HDX: variants seen among roughly 807,000 people sequenced by gnomAD.
The protein encoded by HDX is chromosome X open reading frame 43.
HDX carries 19 observed loss-of-function variants against 45.2 expected under a neutral mutation model. That is an observed-to-expected ratio of 0.42 (90% CI 0.29 to 0.62). The LOEUF is 0.62. Ranked by LOEUF, HDX falls within the 20% of genes least tolerant of loss-of-function variation. The pLI, the probability that HDX is intolerant of heterozygous loss-of-function variation, is 0.20. For synonymous variants in HDX, 188 were observed against 172.8 expected, an observed-to-expected ratio of 1.09 and a Z score of -0.69; for missense variants, 532 against 493.9, an observed-to-expected ratio of 1.08 and a Z score of -0.73.
chrX:84,405,174 A>C (rs2038790331), intron 5 of HDX, among the ~76,000 whole-genome samples: 1 of 110,638 alleles, frequency 9.0e-6, no homozygotes, highest in African/African-American at 3.3e-5. Flanking sequence ...ATCATCATCT[A>C]TCTATCCTTC....
At chrX:84,501,791 C>A (rs5968342) in intron 1 of HDX, among the ~76,000 whole-genome samples, 8,325 of 111,120 alleles carry the variant, frequency 0.075, 768 homozygotes, top group African/African-American at 0.26. Flanking sequence ...TCTCTACTTT[C>A]CAAATTCAGC....
intron 2 of HDX, among the ~76,000 whole-genome samples, chrX:84,486,831 T>C (rs1429319046): frequency 1.8e-5 from 2 of 111,450 alleles, no homozygotes; most frequent in Non-Finnish European, 3.8e-5. Context: ...TCTTTGATTT[T>C]ATATTATTTC....
At chrX:84,382,918 G>T (rs1296688815) in intron 5 of HDX, among the ~76,000 whole-genome samples, 1 of 111,061 alleles carries the variant, frequency 9.0e-6, no homozygotes, top group Admixed American at 9.6e-5. Flanking sequence ...TCCATGATGT[G>T]CTTATTTCAC....
At chrX:84,415,782 G>A (rs751464431) in intron 5 of HDX, among the ~76,000 whole-genome samples, 34 of 111,854 alleles carry the variant, frequency 3.0e-4, no homozygotes, top group Non-Finnish European at 5.3e-4. Flanking sequence ...AGTAATTTCC[G>A]CATTTTCTTG....
At chrX:84,333,687 A>C in intron 9 of HDX, 72 bp downstream of exon 9, 1 of 458,976 alleles carries the variant, frequency 2.2e-6, no homozygotes, top group Non-Finnish European at 3.9e-6. Flanking sequence ...AAATAGGAGT[A>C]ATATAGGTAT....
chrX:84,457,290 C>T (rs2040133184), intron 4 of HDX, among the ~76,000 whole-genome samples: 1 of 111,412 alleles, frequency 9.0e-6, no homozygotes, highest in Non-Finnish European at 1.9e-5. Flanking sequence ...TAAAAAATCA[C>T]AATGTGGTTT....
chrX:84,476,544 CA>C (rs376973856), intron 2 of HDX, among the ~76,000 whole-genome samples: 847 of 38,021 alleles, frequency 0.022, 1 homozygote, highest in East Asian at 0.037. Flanking sequence ...AACTCTGTCT[CA>C]AAAAAAAAAA....
chrX:84,343,021 C>T (rs2037121150), intron 7 of HDX, among the ~76,000 whole-genome samples: 1 of 110,715 alleles, frequency 9.0e-6, no homozygotes, highest in Admixed American at 9.6e-5. Flanking sequence ...ATACAAAAAG[C>T]CTATATATTG....
At chrX:84,501,473 T>A (rs1168323790) in intron 1 of HDX, 1 of 112,209 alleles carries the variant, frequency 8.9e-6, no homozygotes, top group East Asian at 2.8e-4. Flanking sequence ...TTCCAAAGAA[T>A]TTAAGGTTCA....
intron 9 of HDX, among the ~76,000 whole-genome samples, chrX:84,331,080 A>T (rs1295472337): frequency 2.7e-5 from 3 of 111,722 alleles, no homozygotes; most frequent in Non-Finnish European, 5.7e-5. Context: ...CACATTGACC[A>T]GAGCTTTGAT....
At chrX:84,350,216 T>C (rs2037310504) in intron 6 of HDX, among the ~76,000 whole-genome samples, 1 of 111,587 alleles carries the variant, frequency 9.0e-6, no homozygotes, top group South Asian at 3.8e-4. Context: ...ATGATTTAGA[T>C]TTTTAAAATT....
At chrX:84,357,465 A>G (rs2037514741) in intron 6 of HDX, among the ~76,000 whole-genome samples, 1 of 112,049 alleles carries the variant, frequency 8.9e-6, no homozygotes, top group Non-Finnish European at 1.9e-5. Flanking sequence ...AGAAAAGGAA[A>G]AAATGATATT....
In HDX at chrX:84,363,904, T is replaced by A. The variant is rs34915994; in HGVS notation, c.1306-2292A>T. On this transcript the variant is annotated intron_variant, in intron 5 of 10. Transcript: ENST00000373177. ...GAGGGAGGCAATTATCTTGTTGATT[T>A]AGTGAAAAGAGTAGTATTCCAATAA... 2.1e-3 allele frequency among the ~76,000 whole-genome samples: 232 copies of A among 111,067 alleles called. 1 individual carries two copies. Among genetic ancestry groups the A allele is most frequent in the African/African-American group, 7.3e-3 (222 of 30,590 alleles).
intron 5 of HDX, among the ~76,000 whole-genome samples, chrX:84,408,355 C>A (rs1413840454): frequency 9.1e-6 from 1 of 110,408 alleles, no homozygotes; most frequent in Admixed American, 9.7e-5. Context: ...GATCAGATGG[C>A]TGTAGGTATG....
intron 5 of HDX, among the ~76,000 whole-genome samples, chrX:84,414,744 C>T (rs919358228): frequency 9.0e-6 from 1 of 111,583 alleles, no homozygotes; most frequent in African/African-American, 3.3e-5. Flanking sequence ...CTAAACATAT[C>T]ATTCTACTCA....
At chrX:84,322,541 A>G (rs924026299) in intron 10 of HDX, among the ~76,000 whole-genome samples, 5 of 110,660 alleles carry the variant, frequency 4.5e-5, no homozygotes, top group African/African-American at 1.6e-4. Context: ...AAGTAATTTT[A>G]TTTTTTCTTT....
Position 84,337,787 on chromosome X carries a change from G to C in HDX, c.1661-907C>G, listed in dbSNP as rs185108160. On this transcript the variant is annotated intron_variant, in intron 7 of 10. Coordinates refer to ENST00000373177, the MANE Select transcript of HDX (RefSeq NM_001177479.2). ...GATCAAAATTCAATATTCTAAAAAC[G>C]AGAAAATAAGTGAAAGAAATAAATT... 2.2e-3 allele frequency among the ~76,000 whole-genome samples: 240 copies of C among 111,214 alleles called. 2 individuals are homozygous for C. The highest frequency in any genetic ancestry group is 7.4e-3 in the African/African-American group (228 of 30,660).
At chrX:84,419,674 A>T (rs926071239) in intron 5 of HDX, among the ~76,000 whole-genome samples, 3 of 112,120 alleles carry the variant, frequency 2.7e-5, no homozygotes, top group Non-Finnish European at 5.6e-5. Flanking sequence ...AAACATGGGC[A>T]GTAGCCAGGA....
chrX:84,323,389 T>A (rs1682369921), intron 10 of HDX, among the ~76,000 whole-genome samples: 1 of 110,953 alleles, frequency 9.0e-6, no homozygotes, highest in African/African-American at 3.3e-5. Flanking sequence ...GATCAGTCTA[T>A]ATGACATACA....
Sources: allele counts gnomAD v4.1 joint callset (sites outside exome capture counted in the v4.1 genomes callset), GRCh38; gene constraint gnomAD v4.1.1; transcripts MANE v1.5; gene names NCBI Gene and HGNC (gene_info 2026-07-23, HGNC 2026-07-21).